CAMK2B: variants seen among roughly 807,000 people sequenced by gnomAD.
The protein encoded by CAMK2B is calcium/calmodulin-dependent protein kinase type II subunit beta.
A neutral mutation model predicts 93.7 loss-of-function variants in CAMK2B; 27 were observed. The observed-to-expected ratio is 0.29, with a 90% CI of 0.21 to 0.40. The LOEUF (loss-of-function observed/expected upper bound fraction) is 0.40. Among genes scored for constraint, CAMK2B ranks in the 10% least tolerant of loss-of-function variants. The probability of loss-of-function intolerance (pLI) is 1.00; values close to 1 mark genes in which losing one functional copy is unlikely to be tolerated. For missense variants in CAMK2B, 568 were observed against 895.8 expected (o/e 0.63, Z 4.67); for synonymous variants, 374 against 358.8 (o/e 1.04, Z -0.48).
rs76408411 is a variant in CAMK2B, at chr7:44,225,855, G to A, written c.1597+661C>T. 7.8e-7 allele frequency: 1 copy of A among 1,289,166 alleles called. No homozygotes were observed. Among genetic ancestry groups the A allele is most frequent in the Non-Finnish European group, 1.0e-6 (1 of 988,542 alleles). The allele number at this position is 1,289,166 out of a possible 1,614,324, so 79.9% of individuals were successfully genotyped here. The stretch of plus-strand genomic sequence containing the variant: ...ACCCCCAGTCTGGTGTCTCCCCACA[G>A]GTGGGGGTGGCAGCAGCCCTGGGAT... On this transcript the variant is annotated intron_variant, in intron 20 of 23. Transcript: ENST00000395749. This position sits in a 1 kb window ranked among gnomAD's most constrained non-coding sequence, Gnocchi z 5.0.
At chr7:44,232,225 G>C (rs1307183487) in intron 16 of CAMK2B, among the ~76,000 whole-genome samples, 1 of 152,220 alleles carries the variant, frequency 6.6e-6, no homozygotes, top group Non-Finnish European at 1.5e-5. Context: ...AGGAGCCCAG[G>C]CCTAGGTGGG....
chr7:44,246,965 C>T (rs1246204543), intron 6 of CAMK2B, among the ~76,000 whole-genome samples, 155 bp downstream of exon 6: 1 of 152,154 alleles, frequency 6.6e-6, no homozygotes, highest in African/African-American at 2.4e-5. Flanking sequence ...CATGCACACA[C>T]TCCTCCATGC....
intron 23 of CAMK2B, 110 bp downstream of exon 23, chr7:44,219,950 A>T: frequency 1.4e-6 from 1 of 721,430 alleles, no homozygotes; most frequent in Non-Finnish European, 2.0e-6. Context: ...GGGACTTCCC[A>T]GGCATGGCTC....
chr7:44,253,785 A>AG (rs1002211288), intron 5 of CAMK2B, among the ~76,000 whole-genome samples: 39 of 151,574 alleles, frequency 2.6e-4, no homozygotes, highest in Middle Eastern at 3.2e-3. Context: ...TTTGGTAGAG[A>AG]GGGGGTCTCA....
intron 1 of CAMK2B, among the ~76,000 whole-genome samples, chr7:44,307,078 A>G (rs1584840379): frequency 1.4e-5 from 1 of 73,908 alleles, no homozygotes; most frequent in Non-Finnish European, 2.6e-5. Flanking sequence ...GAGCAGGGGG[A>G]GGAGGGTCTG....
chr7:44,240,549 G>A (rs755392815), intron 12 of CAMK2B, among the ~76,000 whole-genome samples, 158 bp downstream of exon 12: 2 of 152,234 alleles, frequency 1.3e-5, no homozygotes, highest in Admixed American at 6.5e-5. Context: ...GGAGCCCAGC[G>A]GGGCCAGGTG....
At position 44,258,853 on chromosome 7, in the gene CAMK2B, C is replaced by A; in HGVS notation, c.275+19G>T. 6.2e-7 allele frequency: 1 copy of A among 1,611,852 alleles called. No individual in the cohort carries two copies. Among genetic ancestry groups the A allele is most frequent in the Non-Finnish European group, 8.5e-7 (1 of 1,178,222 alleles). On this transcript the variant is annotated intron_variant, in intron 4 of 23. Coordinates refer to ENST00000395749, the MANE Select transcript of CAMK2B (RefSeq NM_001220.5). ...GGCTGGGAGTGAGTGCAGCGAGAGTCCCCAGCTCTGGAACTTACAGATCGA... is the reference window on the plus strand; with the variant it reads ...GGCTGGGAGTGAGTGCAGCGAGAGTACCCAGCTCTGGAACTTACAGATCGA...
At chr7:44,277,183 G>A (rs999878705) in intron 2 of CAMK2B, among the ~76,000 whole-genome samples, 1 of 152,180 alleles carries the variant, frequency 6.6e-6, no homozygotes, top group Non-Finnish European at 1.5e-5. Flanking sequence ...GGGGGGTTGG[G>A]GTAGGGGGTA....
At chr7:44,261,357 C>T (rs1166646239) in intron 3 of CAMK2B, among the ~76,000 whole-genome samples, 1 of 151,848 alleles carries the variant, frequency 6.6e-6, no homozygotes, top group African/African-American at 2.4e-5. Context: ...GGAGGAGATG[C>T]CCCCCGCAGA....
At chr7:44,241,419 T>A (rs1178938731) in intron 11 of CAMK2B, among the ~76,000 whole-genome samples, 1 of 152,130 alleles carries the variant, frequency 6.6e-6, no homozygotes, top group Non-Finnish European at 1.5e-5. Context: ...AGAGCCCGGG[T>A]GAGGAGCCCA....
intron 4 of CAMK2B, among the ~76,000 whole-genome samples, chr7:44,257,661 G>A (rs1488208114): frequency 1.3e-5 from 2 of 152,264 alleles, no homozygotes; most frequent in Non-Finnish European, 2.9e-5. Context: ...AGTGGCAACT[G>A]TGTCCTGGGT....
At chr7:44,280,317 C>T (rs74947297) in intron 2 of CAMK2B, among the ~76,000 whole-genome samples, 2 of 152,170 alleles carry the variant, frequency 1.3e-5, no homozygotes, top group East Asian at 1.9e-4. Context: ...GAAGGCCCCA[C>T]GGGTCTCAAT....
chr7:44,264,397 T>C (rs1167768352), intron 2 of CAMK2B, among the ~76,000 whole-genome samples: 1 of 152,106 alleles, frequency 6.6e-6, no homozygotes, highest in Non-Finnish European at 1.5e-5. Flanking sequence ...AACACGCATA[T>C]GTCTTGAGTG....
At chr7:44,273,111 C>G (rs2096990384) in intron 2 of CAMK2B, among the ~76,000 whole-genome samples, 1 of 152,212 alleles carries the variant, frequency 6.6e-6, no homozygotes, top group Admixed American at 6.5e-5. Context: ...CCCACAAGGA[C>G]TGGGCACAGC....
At chr7:44,237,577 C>T (rs2096638308) in intron 13 of CAMK2B, among the ~76,000 whole-genome samples, 1 of 152,250 alleles carries the variant, frequency 6.6e-6, no homozygotes, top group South Asian at 2.1e-4. Context: ...GAGTGCATGG[C>T]TCCCGGCCAA....
At chr7:44,293,742 G>A (rs980958206) in intron 1 of CAMK2B, among the ~76,000 whole-genome samples, 2 of 152,202 alleles carry the variant, frequency 1.3e-5, no homozygotes, top group African/African-American at 4.8e-5. Flanking sequence ...GACAGGAGGC[G>A]GAGCTCAGGC....
chr7:44,228,497 C>T (rs908552510), intron 19 of CAMK2B, among the ~76,000 whole-genome samples: 1 of 152,052 alleles, frequency 6.6e-6, no homozygotes, highest in Admixed American at 6.5e-5. Context: ...TCGGAGGGGC[C>T]AGGGCTGCCC....
At chr7:44,239,545 G>C (rs1338446828) in intron 13 of CAMK2B, 44 bp downstream of exon 13, 22 of 1,494,560 alleles carry the variant, frequency 1.5e-5, no homozygotes, top group Non-Finnish European at 2.0e-5. Context: ...GCTGGCAGGA[G>C]GGACGGGCGG....
In CAMK2B at chr7:44,224,737, T is replaced by A; in HGVS notation, c.1597+1779A>T. On this transcript the variant is annotated intron_variant, in intron 20 of 23. Coordinates refer to ENST00000395749, the MANE Select transcript of CAMK2B (RefSeq NM_001220.5). This position sits in a 1 kb window ranked among gnomAD's most constrained non-coding sequence, Gnocchi z 4.4. ...TGCCCAGGGATCAGGCTGGATTGTGTATAATCCGCGATTAGAGAGCGTGGG... is the reference window on the plus strand; with the variant it reads ...TGCCCAGGGATCAGGCTGGATTGTGAATAATCCGCGATTAGAGAGCGTGGG... 6.6e-6 allele frequency among the ~76,000 whole-genome samples: 1 copy of A among 152,004 alleles called. No homozygotes were observed. The highest frequency in any genetic ancestry group is 1.9e-4 in the East Asian group (1 of 5,176).
Sources: allele counts gnomAD v4.1 joint callset (sites outside exome capture counted in the v4.1 genomes callset), GRCh38; gene constraint gnomAD v4.1.1; non-coding constraint Gnocchi (gnomAD v3.1); transcripts MANE v1.5; gene names NCBI Gene and HGNC (gene_info 2026-07-23, HGNC 2026-07-21).